The following SLC25A21 variants were observed in gnomAD, a reference collection of about 807,000 sequenced individuals.
SLC25A21 encodes solute carrier family 25 member 21.
Under a neutral mutation model 43.8 loss-of-function variants are expected in SLC25A21, and 47 were observed. That is an observed-to-expected ratio of 1.07 (90% CI 0.85 to 1.37). The LOEUF (loss-of-function observed/expected upper bound fraction) is 1.37, where lower values mean the gene tolerates loss of function less well. Ranked by LOEUF, SLC25A21 falls within the 40% of genes most tolerant of loss-of-function variation. The pLI, the probability that SLC25A21 is intolerant of heterozygous loss-of-function variation, is 0.00. For synonymous variants in SLC25A21, 131 were observed against 121.3 expected (o/e 1.08, Z -0.52); for missense variants, 352 against 350.2 (o/e 1.00, Z -0.04).
At chr14:36,893,961 A>G (rs942476704) in intron 1 of SLC25A21, among the ~76,000 whole-genome samples, 2 of 152,172 alleles carry the variant, frequency 1.3e-5, no homozygotes, top group Non-Finnish European at 2.9e-5. Flanking sequence ...TATAGTTTGA[A>G]GTCAGGTAGT....
At chr14:36,856,931 C>T (rs1420157532) in intron 2 of SLC25A21, among the ~76,000 whole-genome samples, 1 of 152,162 alleles carries the variant, frequency 6.6e-6, no homozygotes. Context: ...GCTGTGCTAT[C>T]CAAGGAAGCT....
intron 6 of SLC25A21, 137 bp from the exon 7 acceptor site, chr14:36,711,619 T>A: frequency 1.1e-6 from 1 of 930,492 alleles, no homozygotes; most frequent in Non-Finnish European, 1.5e-6. Flanking sequence ...TGCCTAGAAC[T>A]GTGTTTTTTA....
intron 7 of SLC25A21, among the ~76,000 whole-genome samples, chr14:36,692,796 G>A (rs1882846345): frequency 6.6e-6 from 1 of 152,166 alleles, no homozygotes; most frequent in Non-Finnish European, 1.5e-5. Flanking sequence ...TTCATTTAAG[G>A]GAACTCAGCA....
intron 1 of SLC25A21, among the ~76,000 whole-genome samples, chr14:36,990,742 G>T (rs1960245119): frequency 6.6e-6 from 1 of 151,992 alleles, no homozygotes; most frequent in African/African-American, 2.4e-5. Flanking sequence ...GCTGGGTGTG[G>T]TGGTGGTGTG....
intron 1 of SLC25A21, among the ~76,000 whole-genome samples, chr14:37,034,526 T>A (rs1405384931): frequency 6.6e-6 from 1 of 152,142 alleles, no homozygotes; most frequent in Non-Finnish European, 1.5e-5. Context: ...CTCCAAAGGA[T>A]CACCAATCCC....
intron 1 of SLC25A21, among the ~76,000 whole-genome samples, chr14:36,981,587 G>A (rs1303492414): frequency 6.6e-6 from 1 of 152,096 alleles, no homozygotes; most frequent in Non-Finnish European, 1.5e-5. Flanking sequence ...CTATCGCAAG[G>A]ACAGAAAACC....
At position 36,975,073 on chromosome 14, in the gene SLC25A21, A is replaced by C. The variant is rs145405694; in HGVS notation, c.71-100069T>G. Among the ~76,000 whole-genome samples, 452 of 152,342 alleles carry C rather than the reference A, an allele frequency of 3.0e-3. 4 individuals are homozygous for C. Among genetic ancestry groups the C allele is most frequent in the African/African-American group, 0.01 (425 of 41,584 alleles). ...ACAACAATCACATGAGGAAAGTATT[A>C]TTCTCATTTCACAGATAAAGGAAAT... On this transcript the variant is annotated intron_variant, in intron 1 of 9. Transcript: ENST00000331299.
chr14:36,790,756 G>A (rs1887456450), intron 3 of SLC25A21, among the ~76,000 whole-genome samples: 1 of 152,104 alleles, frequency 6.6e-6, no homozygotes, highest in South Asian at 2.1e-4. Context: ...CAATTGCACA[G>A]TGATGATTGC....
At chr14:36,720,175 G>A (rs1050748487) in intron 6 of SLC25A21, among the ~76,000 whole-genome samples, 13 of 152,222 alleles carry the variant, frequency 8.5e-5, no homozygotes, top group Admixed American at 3.3e-4. Context: ...TTGTTCCATC[G>A]CTGTCTCTCC....
chr14:36,799,315 T>C (rs17105365), intron 3 of SLC25A21, among the ~76,000 whole-genome samples: 3,550 of 151,842 alleles, frequency 0.023, 114 homozygotes, highest in African/African-American at 0.078. Context: ...AAGAAGGAAA[T>C]TGAGGGTGTC....
chr14:36,684,968 G>A, intron 7 of SLC25A21, 43 bp from the exon 8 acceptor site: 1 of 1,539,538 alleles, frequency 6.5e-7, no homozygotes, highest in African/African-American at 1.4e-5. Context: ...GGGAGCGGAA[G>A]CCCCTAAATC....
intron 2 of SLC25A21, among the ~76,000 whole-genome samples, chr14:36,832,151 T>C (rs1265927744): frequency 6.6e-6 from 1 of 152,126 alleles, no homozygotes; most frequent in East Asian, 1.9e-4. Context: ...AGAGAGAAGC[T>C]GGAGCTGTTT....
chr14:37,005,161 A>G lies in SLC25A21; in HGVS notation c.71-130157T>C, dbSNP rs1277317543. On this transcript the variant is annotated intron_variant, in intron 1 of 9. Transcript: ENST00000331299. Reference sequence around the variant, plus strand: ...AGCTAAGTGGACAGCCAACCTTCATACATCTGTACCACAAGTGCACAAGAG... The same window carrying G: ...AGCTAAGTGGACAGCCAACCTTCATGCATCTGTACCACAAGTGCACAAGAG... 1.6e-4 allele frequency among the ~76,000 whole-genome samples: 25 copies of G among 151,654 alleles called. No individual in the cohort carries two copies. In the Admixed American group the frequency reaches 1.7e-3, roughly 10 times the overall value.
intron 2 of SLC25A21, among the ~76,000 whole-genome samples, chr14:36,873,295 G>T (rs10145889): frequency 0.44 from 66,799 of 151,670 alleles, 16,061 homozygotes; most frequent in Non-Finnish European, 0.52. Flanking sequence ...TTCTTTTATT[G>T]ATTTATTTAT....
intron 1 of SLC25A21, among the ~76,000 whole-genome samples, chr14:36,996,958 T>C (rs1415464398): frequency 6.6e-6 from 1 of 152,126 alleles, no homozygotes; most frequent in African/African-American, 2.4e-5. Flanking sequence ...AGTGTTTGAC[T>C]TCACTAAGGG....
intron 1 of SLC25A21, among the ~76,000 whole-genome samples, chr14:37,166,354 T>C (rs983990851): frequency 6.6e-6 from 1 of 152,250 alleles, no homozygotes; most frequent in Non-Finnish European, 1.5e-5. Context: ...GGATTGTATT[T>C]GTAGGTAAAA....
In SLC25A21 at chr14:36,680,735, G is replaced by A; in HGVS notation, c.839-16C>T. 2.5e-6 allele frequency: 4 copies of A among 1,607,896 alleles called. No individual in the cohort carries two copies. The highest frequency in any genetic ancestry group is 3.4e-6 in the Non-Finnish European group (4 of 1,177,990). On this transcript the variant is annotated splice_polypyrimidine_tract_variant and intron_variant, in intron 9 of 9. Coordinates refer to ENST00000331299, the MANE Select transcript of SLC25A21 (RefSeq NM_030631.4). ...ACTGCACCACCTAGAAAAGAAAAGA[G>A]CTGTTTTTTATTGCAAATCCTCTGG...
rs116449116 is a variant in SLC25A21 at position 37,153,895 on chromosome 14, C to T, written c.70+18386G>A. ...GGACTGGAGACTTCCCCACCCAGCA[C>T]ATCACATCTACTGTCAACATGAACA... is the stretch of plus-strand genomic sequence containing the variant. On this transcript the variant is annotated intron_variant, in intron 1 of 9. Transcript: ENST00000331299. Among the ~76,000 whole-genome samples, 832 of 152,296 alleles carry T rather than the reference C, an allele frequency of 5.5e-3. 9 individuals carry two copies. The highest frequency in any genetic ancestry group is 0.019 in the African/African-American group (809 of 41,566).
rs898461780 is a variant in SLC25A21, at chr14:36,898,588, A to G, written c.71-23584T>C. On this transcript the variant is annotated intron_variant, in intron 1 of 9. Coordinates refer to ENST00000331299, the MANE Select transcript of SLC25A21 (RefSeq NM_030631.4). ...CCCAGTGAGATGAACCTGGTACCTC[A>G]GTTGGAAATGCAGAAATCACCTGTC... Among the ~76,000 whole-genome samples, 42 of 152,082 alleles carry G rather than the reference A, an allele frequency of 2.8e-4. 1 individual carries two copies. Among genetic ancestry groups the G allele is most frequent in the Non-Finnish European group, 4.0e-4 (27 of 68,026 alleles).
Sources: allele counts gnomAD v4.1 joint callset (sites outside exome capture counted in the v4.1 genomes callset), GRCh38; gene constraint gnomAD v4.1.1; transcripts MANE v1.5; gene names NCBI Gene and HGNC (gene_info 2026-07-23, HGNC 2026-07-21).